METTL15: variants seen among roughly 807,000 people sequenced by gnomAD.
METTL15 encodes the protein 12S rRNA N(4)-cytidine methyltransferase METTL15.
METTL15 carries 34 observed loss-of-function variants against 38.3 expected under a neutral mutation model. That is an observed-to-expected ratio of 0.89 (90% CI 0.68 to 1.18). The LOEUF (loss-of-function observed/expected upper bound fraction) is 1.18, where lower values mean the gene tolerates loss of function less well. METTL15 is among the 50% of genes most tolerant of loss of function. The probability of loss-of-function intolerance (pLI) is 0.00; values close to 1 mark genes in which losing one functional copy is unlikely to be tolerated. For synonymous variants in METTL15, 162 were observed against 170.9 expected (o/e 0.95, Z 0.41); for missense variants, 438 against 498.4 (o/e 0.88, Z 1.15).
At chr11:28,365,734 T>C (rs915665236) in intron 5 of METTL15, among the ~76,000 whole-genome samples, 5 of 152,130 alleles carry the variant, frequency 3.3e-5, no homozygotes, top group Non-Finnish European at 7.4e-5. Context: ...GAAGTTTAAC[T>C]TGAGCTAACT....
At chr11:28,220,871 A>G (rs905494046) in intron 4 of METTL15, among the ~76,000 whole-genome samples, 1 of 152,292 alleles carries the variant, frequency 6.6e-6, no homozygotes, top group East Asian at 1.9e-4. Flanking sequence ...GTTTTCTTTA[A>G]GAATGTTGAA....
At chr11:28,514,943 A>C (rs1851706981) in intron 6 of METTL15, among the ~76,000 whole-genome samples, 1 of 152,272 alleles carries the variant, frequency 6.6e-6, no homozygotes, top group Non-Finnish European at 1.5e-5. Context: ...TGTGAAGAGC[A>C]TATAGTGGCT....
At chr11:28,405,087 C>T (rs1230505292) in intron 5 of METTL15, among the ~76,000 whole-genome samples, 1 of 152,024 alleles carries the variant, frequency 6.6e-6, no homozygotes, top group Non-Finnish European at 1.5e-5. Flanking sequence ...TGCAGCGTGC[C>T]AACAAAAGCT....
intron 3 of METTL15, among the ~76,000 whole-genome samples, chr11:28,191,164 T>C (rs1413171486): frequency 6.6e-6 from 1 of 151,456 alleles, no homozygotes; most frequent in African/African-American, 2.4e-5. Flanking sequence ...AGAATTTCAA[T>C]ATTGATTACA....
intron 4 of METTL15, among the ~76,000 whole-genome samples, chr11:28,212,379 T>C (rs963197041): frequency 3.9e-5 from 6 of 152,150 alleles, no homozygotes; most frequent in African/African-American, 1.4e-4. Flanking sequence ...GCAGTGTAAC[T>C]TAGATGCGCC....
chr11:28,496,973 C>T (rs960952773), intron 6 of METTL15, among the ~76,000 whole-genome samples: 10 of 152,120 alleles, frequency 6.6e-5, no homozygotes, highest in African/African-American at 9.7e-5. Flanking sequence ...TGCCAGGCAC[C>T]GCATTCAGGT....
chr11:28,146,047 A>G (rs1388040752), intron 3 of METTL15, among the ~76,000 whole-genome samples: 3 of 152,054 alleles, frequency 2.0e-5, no homozygotes, highest in African/African-American at 4.8e-5. Flanking sequence ...TATATCCTCT[A>G]TATAGTTTAA....
intron 4 of METTL15, among the ~76,000 whole-genome samples, chr11:28,215,936 T>C (rs1368723004): frequency 2.6e-5 from 4 of 151,298 alleles, no homozygotes; most frequent in East Asian, 3.9e-4. Context: ...ACTCAGGAGG[T>C]TGAGATTGCA....
intron 4 of METTL15, among the ~76,000 whole-genome samples, chr11:28,274,596 A>G (rs1366296003): frequency 1.3e-5 from 2 of 152,064 alleles, no homozygotes. Context: ...AAAAATGTTC[A>G]TTAATTTTAA....
At chr11:28,501,379 A>G (rs982701917) in intron 6 of METTL15, among the ~76,000 whole-genome samples, 1 of 152,180 alleles carries the variant, frequency 6.6e-6, no homozygotes, top group African/African-American at 2.4e-5. Context: ...AGTATGGTTA[A>G]GTGGAAAGAA....
At position 28,452,548 on chromosome 11, in the gene METTL15, A is replaced by C. The variant is rs1001518384; in HGVS notation, c.*424+28184A>C. ...TCACATGGTGGTGATGTTTGCAGAC[A>C]TAAGGTAGACAGGAAAAGCAAATCT... On this transcript the variant is annotated intron_variant and NMD_transcript_variant, in intron 6 of 7. Transcript: ENST00000532947. 6.6e-5 allele frequency among the ~76,000 whole-genome samples: 10 copies of C among 152,208 alleles called. 1 individual carries two copies. The highest frequency in any genetic ancestry group is 1.2e-4 in the Non-Finnish European group (8 of 68,040).
At chr11:28,353,953 AGG>A (rs1216559837) in intron 4 of METTL15, among the ~76,000 whole-genome samples, 1 of 151,086 alleles carries the variant, frequency 6.6e-6, no homozygotes, top group East Asian at 1.9e-4. Context: ...AAAAAAAAAA[AGG>A]TGTCAAGCAA....
At chr11:28,463,625 A>T (rs904557857) in intron 6 of METTL15, among the ~76,000 whole-genome samples, 1 of 152,176 alleles carries the variant, frequency 6.6e-6, no homozygotes, top group African/African-American at 2.4e-5. Context: ...TCTTATGCAG[A>T]TAACGACTCC....
intron 6 of METTL15, among the ~76,000 whole-genome samples, chr11:28,510,176 C>T (rs1304578379): frequency 6.6e-6 from 1 of 151,938 alleles, no homozygotes; most frequent in Non-Finnish European, 1.5e-5. Context: ...GTTGTTTGGA[C>T]TTGATAAGTA....
chr11:28,277,143 C>T (rs913175117), intron 4 of METTL15, among the ~76,000 whole-genome samples: 5 of 152,094 alleles, frequency 3.3e-5, no homozygotes, highest in Non-Finnish European at 5.9e-5. Flanking sequence ...TATTTAACAA[C>T]TATTCAGCCA....
chr11:28,130,672 C>G (rs866360993), intron 3 of METTL15, among the ~76,000 whole-genome samples: 3 of 152,250 alleles, frequency 2.0e-5, no homozygotes, highest in South Asian at 2.1e-4. Flanking sequence ...TTGTGTCAGT[C>G]TACATGCGCA....
rs1376108886 is a variant in METTL15, at chr11:28,127,285, G to A, written c.270+13681G>A. 2.6e-5 allele frequency among the ~76,000 whole-genome samples: 4 copies of A among 151,990 alleles called. No homozygotes were observed. The East Asian group carries it at 5.8e-4, about 22-fold the overall frequency. On this transcript the variant is annotated intron_variant, in intron 3 of 6. Transcript: ENST00000407364. ...GGGCAGATTTGAGGGAGATTTAAGA[G>A]GTAAAAAGCATAGGACAAAGCTGAC...
rs147092107 is a variant in METTL15 at position 28,190,550 on chromosome 11, C to T, written c.271-20512C>T. 1.1e-4 allele frequency among the ~76,000 whole-genome samples: 17 copies of T among 151,104 alleles called. 1 individual carries two copies. The East Asian group carries it at 2.7e-3, about 24-fold the overall frequency. ...AATTATTTGAATGTGAAGAGATTGTCGTTTTGAAACTCCTGGCCTTATCAT... is the reference window on the plus strand; with the variant it reads ...AATTATTTGAATGTGAAGAGATTGTTGTTTTGAAACTCCTGGCCTTATCAT... On this transcript the variant is annotated intron_variant, in intron 3 of 6. Coordinates refer to ENST00000407364, the MANE Select transcript of METTL15 (RefSeq NM_001113528.2).
intron 3 of METTL15, among the ~76,000 whole-genome samples, chr11:28,177,988 G>T (rs1851139130): frequency 1.3e-5 from 2 of 152,056 alleles, no homozygotes; most frequent in South Asian, 4.1e-4. Context: ...TGCTGATTTG[G>T]TTGGGACTTA....
Sources: allele counts gnomAD v4.1 joint callset (sites outside exome capture counted in the v4.1 genomes callset), GRCh38; gene constraint gnomAD v4.1.1; transcripts MANE v1.5; gene names NCBI Gene and HGNC (gene_info 2026-07-23, HGNC 2026-07-21).